Variants in CTNNA3 observed in about 807,000 individuals in gnomAD.
CTNNA3 encodes the protein catenin alpha-3.
In CTNNA3, 76 loss-of-function variants were observed where a neutral mutation model predicts 95.7. The ratio of observed to expected loss-of-function variants is 0.79; its 90% CI spans 0.66 to 0.96. The LOEUF is 0.96. Ranked by LOEUF, CTNNA3 falls within the 40% of genes least tolerant of loss-of-function variation. CTNNA3 has a pLI of 0.00. For synonymous variants in CTNNA3, 431 were observed against 374.4 expected, an observed-to-expected ratio of 1.15 and a Z score of -1.74; for missense variants, 1,191 against 1,089.8, an observed-to-expected ratio of 1.09 and a Z score of -1.31.
chr10:67,706,746 A>C (rs959615454), intron 1 of CTNNA3, among the ~76,000 whole-genome samples: 1 of 152,198 alleles, frequency 6.6e-6, no homozygotes, highest in South Asian at 2.1e-4. Context: ...AAAGGGAGAT[A>C]CAGATAGAAG....
intron 9 of CTNNA3, among the ~76,000 whole-genome samples, chr10:66,670,558 A>T (rs1846623674): frequency 6.6e-6 from 1 of 151,268 alleles, no homozygotes; most frequent in Non-Finnish European, 1.5e-5. Context: ...CTCCCCTTCT[A>T]CCTCTTCTCT....
chr10:66,189,191 G>C (rs999964938), intron 13 of CTNNA3, among the ~76,000 whole-genome samples: 3 of 150,202 alleles, frequency 2.0e-5, no homozygotes, highest in African/African-American at 7.4e-5. Context: ...ACATTTTGTT[G>C]ACTATTTGCT....
intron 1 of CTNNA3, among the ~76,000 whole-genome samples, chr10:67,662,787 A>G (rs1188447218): frequency 6.6e-6 from 1 of 152,166 alleles, no homozygotes; most frequent in Non-Finnish European, 1.5e-5. Context: ...TGATGGTTCT[A>G]TAACTGTATA....
At chr10:67,307,185 T>G (rs977700209) in intron 5 of CTNNA3, among the ~76,000 whole-genome samples, 2 of 152,208 alleles carry the variant, frequency 1.3e-5, no homozygotes, top group Non-Finnish European at 2.9e-5. Context: ...AAAAAATATC[T>G]TTTATTATGT....
chr10:66,195,443 G>T (rs1038501175), intron 13 of CTNNA3, among the ~76,000 whole-genome samples: 29 of 152,098 alleles, frequency 1.9e-4, no homozygotes, highest in African/African-American at 5.8e-4. Context: ...ATATTAAAAT[G>T]AATATTATTG....
chr10:65,979,258 T>C (rs1188658196), intron 16 of CTNNA3, among the ~76,000 whole-genome samples: 1 of 152,168 alleles, frequency 6.6e-6, no homozygotes, highest in Non-Finnish European at 1.5e-5. Flanking sequence ...CAAGATGTTT[T>C]CCTTATTCAA....
chr10:66,431,735 T>C (rs951725993), intron 11 of CTNNA3, among the ~76,000 whole-genome samples: 1 of 119,270 alleles, frequency 8.4e-6, no homozygotes, highest in East Asian at 2.6e-4. Flanking sequence ...CATCACACAC[T>C]AGGGCCTGTT....
At chr10:66,332,460 C>A (rs2092342852) in intron 12 of CTNNA3, among the ~76,000 whole-genome samples, 1 of 151,644 alleles carries the variant, frequency 6.6e-6, no homozygotes, top group South Asian at 2.1e-4. Flanking sequence ...TTGTCAAAGG[C>A]CTTTTCTGCA....
At chr10:67,207,116 A>G (rs1360479530) in intron 6 of CTNNA3, among the ~76,000 whole-genome samples, 2 of 152,202 alleles carry the variant, frequency 1.3e-5, no homozygotes, top group African/African-American at 2.4e-5. Flanking sequence ...GGGTGACAAG[A>G]GTGAGAGTTC....
At chr10:67,747,277 C>T (rs1841379355) in intron 1 of CTNNA3, among the ~76,000 whole-genome samples, 1 of 152,234 alleles carries the variant, frequency 6.6e-6, no homozygotes, top group Non-Finnish European at 1.5e-5. Context: ...CACCAAGGGG[C>T]AGCCAGCGTG....
chr10:67,053,434 C>T (rs762702778), intron 7 of CTNNA3, among the ~76,000 whole-genome samples: 7 of 152,074 alleles, frequency 4.6e-5, no homozygotes, highest in African/African-American at 7.2e-5. Context: ...TTATAATGTA[C>T]TCAAAACCAA....
chr10:67,218,588 T>C (rs1864499006), intron 6 of CTNNA3, among the ~76,000 whole-genome samples: 1 of 152,218 alleles, frequency 6.6e-6, no homozygotes, highest in Admixed American at 6.5e-5. Context: ...CCAAACTCCA[T>C]TCTGTGTGTG....
intron 7 of CTNNA3, among the ~76,000 whole-genome samples, chr10:67,147,769 T>C (rs1380209940): frequency 2.0e-5 from 3 of 152,202 alleles, no homozygotes; most frequent in South Asian, 4.1e-4. Flanking sequence ...TGGTTCAACA[T>C]TGAACTCAAA....
chr10:67,294,013 T>C (rs564658242), intron 5 of CTNNA3, among the ~76,000 whole-genome samples: 15 of 152,154 alleles, frequency 9.9e-5, no homozygotes, highest in Non-Finnish European at 2.1e-4. Flanking sequence ...CTAGGTTCAA[T>C]TGGCTCTGAG....
chr10:66,810,419 CT>C (rs538291565), intron 7 of CTNNA3, among the ~76,000 whole-genome samples: 208 of 152,256 alleles, frequency 1.4e-3, no homozygotes, highest in African/African-American at 4.5e-3. Context: ...TTAGATCACT[CT>C]TTTTCTGTGA....
intron 14 of CTNNA3, among the ~76,000 whole-genome samples, chr10:66,083,469 C>A (rs958508089): frequency 5.3e-5 from 8 of 152,088 alleles, no homozygotes; most frequent in African/African-American, 1.9e-4. Flanking sequence ...CAAAGGACCG[C>A]CACACACTTT....
intron 5 of CTNNA3, among the ~76,000 whole-genome samples, chr10:67,504,451 A>AAAAAAAAAACAAAAAAAAAC (rs1554845819): frequency 1.5e-3 from 218 of 143,410 alleles, no homozygotes; most frequent in Non-Finnish European, 2.9e-3. Context: ...AAAAAAAAAA[A>AAAAAAAAAACAAAAAAAAAC]AAAAAAAAAC....
intron 3 of CTNNA3, among the ~76,000 whole-genome samples, chr10:67,554,555 C>A (rs958836052): frequency 3.3e-5 from 5 of 152,176 alleles, no homozygotes; most frequent in African/African-American, 1.2e-4. Context: ...TAAATGTCTT[C>A]TTTTGAGAAG....
chr10:66,172,543 C>T (rs1449802199), intron 13 of CTNNA3, among the ~76,000 whole-genome samples: 1 of 151,716 alleles, frequency 6.6e-6, no homozygotes, highest in Non-Finnish European at 1.5e-5. Context: ...TTATTTCAGA[C>T]ATTTTGTTAT....
Sources: allele counts gnomAD v4.1 joint callset (sites outside exome capture counted in the v4.1 genomes callset), GRCh38; gene constraint gnomAD v4.1.1; transcripts MANE v1.5; gene names NCBI Gene and HGNC (gene_info 2026-07-23, HGNC 2026-07-21).